NINJ2: variants seen among roughly 807,000 people sequenced by gnomAD.
NINJ2 encodes the protein ninjurin-2.
NINJ2 carries 12 observed loss-of-function variants against 11.7 expected under a neutral mutation model. The ratio of observed to expected loss-of-function variants is 1.02; its 90% CI spans 0.66 to 1.66. The LOEUF is 1.66. NINJ2 is among the 40% of genes most tolerant of loss of function. The pLI, the probability that NINJ2 is intolerant of heterozygous loss-of-function variation, is 0.00. For missense variants in NINJ2, 187 were observed against 181.8 expected, an observed-to-expected ratio of 1.03 and a Z score of -0.16; for synonymous variants, 93 against 76.8, an observed-to-expected ratio of 1.21 and a Z score of -1.10.
At chr12:608,375 A>G (rs1240353119) in intron 1 of NINJ2, among the ~76,000 whole-genome samples, 1 of 152,230 alleles carries the variant, frequency 6.6e-6, no homozygotes, top group Admixed American at 6.5e-5. Context: ...AATAGCGAAC[A>G]CTTAATAATG....
intron 1 of NINJ2, among the ~76,000 whole-genome samples, chr12:573,702 G>A (rs1457790691): frequency 6.6e-6 from 1 of 152,208 alleles, no homozygotes; most frequent in East Asian, 1.9e-4. Context: ...TTACTAAGAG[G>A]AGGCATAACC....
chr12:660,289 TAAAA>T (rs776762900), intron 1 of NINJ2, among the ~76,000 whole-genome samples: 3 of 107,698 alleles, frequency 2.8e-5, no homozygotes, highest in Non-Finnish European at 5.5e-5. Flanking sequence ...TCCTGTCTGT[TAAAA>T]AAAAAAAAAA....
intron 1 of NINJ2, among the ~76,000 whole-genome samples, chr12:568,886 C>A (rs989617493): frequency 1.6e-5 from 2 of 128,052 alleles, no homozygotes; most frequent in Admixed American, 1.4e-4. Context: ...ACCCCCCCCC[C>A]CCCGCCCCCC....
intron 1 of NINJ2, among the ~76,000 whole-genome samples, chr12:588,066 C>G (rs1407327700): frequency 6.6e-6 from 1 of 152,000 alleles, no homozygotes; most frequent in Non-Finnish European, 1.5e-5. Context: ...CATCCTTCCA[C>G]TATGTAAACA....
At chr12:660,940 G>A (rs953122017) in intron 1 of NINJ2, among the ~76,000 whole-genome samples, 10 of 152,052 alleles carry the variant, frequency 6.6e-5, no homozygotes, top group African/African-American at 2.2e-4. Flanking sequence ...CACCCTAGGC[G>A]ACAGAGTGAG....
At chr12:624,153 T>C (rs1361494763) in intron 1 of NINJ2, among the ~76,000 whole-genome samples, 2 of 152,246 alleles carry the variant, frequency 1.3e-5, no homozygotes, top group South Asian at 2.1e-4. Flanking sequence ...CAACCTACTA[T>C]GCAAATGACT....
rs117366702 is a variant in NINJ2 at position 640,582 on chromosome 12, T to A, written c.33+22746A>T. On this transcript the variant is annotated intron_variant, in intron 1 of 3. Transcript: ENST00000305108. The surrounding 1 kb of genome is among the most constrained non-coding windows in gnomAD (Gnocchi z 4.0). ...CCCTGTCACCCAGGCTGGAGTGTAG[T>A]GGTGTGATATGGGCTCACTGCAACC... Among the ~76,000 whole-genome samples the A allele has an allele frequency of 5.8e-3, 890 of 152,270 alleles. 2 individuals are homozygous for A. The highest frequency in any genetic ancestry group is 9.2e-3 in the Non-Finnish European group (623 of 68,028).
chr12:638,694 CGT>C (rs1285146997), intron 1 of NINJ2, among the ~76,000 whole-genome samples: 1 of 152,208 alleles, frequency 6.6e-6, no homozygotes, highest in Non-Finnish European at 1.5e-5. Context: ...GGATTACAGG[CGT>C]GAGCCACCGC....
At chr12:643,544 G>A (rs760681772) in intron 1 of NINJ2, 4 of 988,060 alleles carry the variant, frequency 4.0e-6, no homozygotes, top group Non-Finnish European at 4.8e-6. Context: ...CCCAAGACCT[G>A]TGGGGCGTGT....
At chr12:588,150 G>A (rs967138597) in intron 1 of NINJ2, among the ~76,000 whole-genome samples, 5 of 144,810 alleles carry the variant, frequency 3.5e-5, no homozygotes, top group East Asian at 2.0e-4. Flanking sequence ...GCAAAATGGC[G>A]GAAGGAAGGG....
At chr12:635,156 T>A (rs1183367712) in intron 1 of NINJ2, among the ~76,000 whole-genome samples, 1 of 151,804 alleles carries the variant, frequency 6.6e-6, no homozygotes, top group East Asian at 1.9e-4. Context: ...CCGGTTCAAG[T>A]GATCCTCCTG....
chr12:602,985 C>T (rs552374557), intron 1 of NINJ2, among the ~76,000 whole-genome samples: 1 of 141,294 alleles, frequency 7.1e-6, no homozygotes, highest in South Asian at 2.3e-4. Flanking sequence ...GGCACATGGC[C>T]ACCATGCAAG....
intron 1 of NINJ2, among the ~76,000 whole-genome samples, chr12:637,556 G>A (rs1308126709): frequency 6.7e-6 from 1 of 150,176 alleles, no homozygotes; most frequent in Admixed American, 6.7e-5. Flanking sequence ...CAGGAGAATC[G>A]CTTGAACCCT....
intron 1 of NINJ2, among the ~76,000 whole-genome samples, chr12:662,409 C>CGAGA (rs111778018): frequency 3.4e-4 from 50 of 147,520 alleles, no homozygotes; most frequent in African/African-American, 8.2e-4. Flanking sequence ...ACACAGAGAA[C>CGAGA]GAGAGAGAGA....
chr12:636,787 G>A (rs1173081830), intron 1 of NINJ2, among the ~76,000 whole-genome samples: 2 of 152,172 alleles, frequency 1.3e-5, no homozygotes, highest in African/African-American at 4.8e-5. Context: ...ATGCATGACT[G>A]GTGAGAACGT....
chr12:622,131 A>AAG (rs1191019123), intron 1 of NINJ2, among the ~76,000 whole-genome samples: 1 of 135,684 alleles, frequency 7.4e-6, no homozygotes, highest in Non-Finnish European at 1.6e-5. Context: ...GGAAAAAAAA[A>AAG]AAAAAAAAGG....
At chr12:620,960 G>T (rs2120377243) in intron 1 of NINJ2, among the ~76,000 whole-genome samples, 1 of 152,236 alleles carries the variant, frequency 6.6e-6, no homozygotes, top group South Asian at 2.1e-4. Context: ...AGGTACTCAG[G>T]CTTGAAAAGT....
chr12:642,959 C>G (rs1030674061), intron 1 of NINJ2: 1 of 149,628 alleles, frequency 6.7e-6, no homozygotes, highest in East Asian at 1.9e-4. Context: ...CCACGCCGCG[C>G]CCGCCGGCCC....
At chr12:620,180 G>C (rs1948135817) in intron 1 of NINJ2, among the ~76,000 whole-genome samples, 1 of 152,248 alleles carries the variant, frequency 6.6e-6, no homozygotes, top group Non-Finnish European at 1.5e-5. Flanking sequence ...TCATAGCTGA[G>C]TGTCCATTCT....
Sources: allele counts gnomAD v4.1 joint callset (sites outside exome capture counted in the v4.1 genomes callset), GRCh38; gene constraint gnomAD v4.1.1; non-coding constraint Gnocchi (gnomAD v3.1); transcripts MANE v1.5; gene names NCBI Gene and HGNC (gene_info 2026-07-23, HGNC 2026-07-21).